CNIH3: variants seen among roughly 807,000 people sequenced by gnomAD.
The protein encoded by CNIH3 is cornichon family AMPA receptor auxiliary protein 3.
Under a neutral mutation model 24.1 loss-of-function variants are expected in CNIH3, and 14 were observed. That is an observed-to-expected ratio of 0.58 (90% confidence interval 0.38 to 0.91). CNIH3 has a LOEUF of 0.91. CNIH3 is among the 40% of genes least tolerant of loss of function. The probability of loss-of-function intolerance (pLI) is 0.00; values close to 1 mark genes in which losing one functional copy is unlikely to be tolerated. For synonymous variants in CNIH3, 68 were observed against 73.8 expected, an observed-to-expected ratio of 0.92 and a Z score of 0.40; for missense variants, 178 against 196.8, an observed-to-expected ratio of 0.90 and a Z score of 0.57.
intron 1 of CNIH3, among the ~76,000 whole-genome samples, chr1:224,665,240 TC>T (rs35734812): frequency 1.3e-5 from 2 of 152,128 alleles, no homozygotes; most frequent in Admixed American, 6.5e-5. Context: ...CGCTGGATAC[TC>T]CCAGGCTTTA....
chr1:224,635,402 A>G (rs1174977772), intron 1 of CNIH3, among the ~76,000 whole-genome samples: 1 of 152,184 alleles, frequency 6.6e-6, no homozygotes, highest in Non-Finnish European at 1.5e-5. Context: ...GTGTGCTGGC[A>G]CCTCTGTTAA....
intron 3 of CNIH3, among the ~76,000 whole-genome samples, chr1:224,686,903 A>G (rs1284831264): frequency 6.6e-6 from 1 of 152,212 alleles, no homozygotes; most frequent in Non-Finnish European, 1.5e-5. Flanking sequence ...TATAAACAAT[A>G]AACTGAGGCA....
At chr1:224,485,467 C>T (rs1280436541) in intron 1 of CNIH3, among the ~76,000 whole-genome samples, 5 of 152,068 alleles carry the variant, frequency 3.3e-5, no homozygotes, top group Non-Finnish European at 7.4e-5. Flanking sequence ...CACCTTCTTT[C>T]CTTCCCCTCA....
intron 3 of CNIH3, among the ~76,000 whole-genome samples, chr1:224,699,910 T>C (rs1212937348): frequency 6.6e-6 from 1 of 152,084 alleles, no homozygotes; most frequent in African/African-American, 2.4e-5. Flanking sequence ...GAAAATGTCT[T>C]ATAAGCTGCA....
intron 1 of CNIH3, among the ~76,000 whole-genome samples, chr1:224,680,518 C>G (rs749866198): frequency 1.6e-4 from 24 of 152,196 alleles, no homozygotes; most frequent in Non-Finnish European, 3.2e-4. Flanking sequence ...CCTTGTTTTT[C>G]TCTTTTCCTT....
chr1:224,574,562 C>T lies in CNIH3; in HGVS notation n.516+8298C>T, dbSNP rs557158323. On this transcript the variant is annotated intron_variant and non_coding_transcript_variant, in intron 4 of 5. Transcript: ENST00000471578. Reference sequence around the variant, plus strand: ...CCATTAATGTTGGGTACTGCCACATCGACTGTGCCCACGTGTACCAGAATG... The same window carrying T: ...CCATTAATGTTGGGTACTGCCACATTGACTGTGCCCACGTGTACCAGAATG... 120 of 764,242 alleles carry T rather than the reference C, an allele frequency of 1.6e-4. 2 individuals carry two copies. The highest frequency in any genetic ancestry group is 9.2e-4 in the African/African-American group (54 of 58,940). The allele number at this position is 764,242 out of a possible 1,614,324, so 47.3% of individuals were successfully genotyped here.
At chr1:224,522,238 A>C (rs1160847540) in intron 2 of CNIH3, among the ~76,000 whole-genome samples, 1 of 152,252 alleles carries the variant, frequency 6.6e-6, no homozygotes, top group Non-Finnish European at 1.5e-5. Flanking sequence ...TCTTTGATAA[A>C]AGAAGTCCTT....
At chr1:224,461,121 G>A (rs569585585) in intron 1 of CNIH3, among the ~76,000 whole-genome samples, 12 of 151,726 alleles carry the variant, frequency 7.9e-5, no homozygotes, top group Admixed American at 4.6e-4. Context: ...TTGTGCGTTG[G>A]CTTCCCGAGT....
chr1:224,711,684 A>C (rs185719845), intron 3 of CNIH3, among the ~76,000 whole-genome samples: 1 of 149,086 alleles, frequency 6.7e-6, no homozygotes, highest in African/African-American at 2.5e-5. Flanking sequence ...AGTCCCACCT[A>C]CTCAGGAGGC....
rs186460825 is a variant in CNIH3 at position 224,598,998 on chromosome 1, A to G, written n.402+32734A>G. Among the ~76,000 whole-genome samples the G allele has an allele frequency of 9.9e-5, 15 of 152,272 alleles. No individual in the cohort carries two copies. The East Asian group carries it at 2.9e-3, about 29-fold the overall frequency. ...GAATAAAGAACTTTTGCAGTTATCT[A>G]TTGCTGCATAATATTTATTATTAAC... On this transcript the variant is annotated intron_variant and non_coding_transcript_variant, in intron 3 of 7. Coordinates refer to the CNIH3 transcript ENST00000478120.
At chr1:224,618,347 A>T (rs746534179) in intron 1 of CNIH3, among the ~76,000 whole-genome samples, 2 of 152,216 alleles carry the variant, frequency 1.3e-5, no homozygotes, top group Non-Finnish European at 1.5e-5. Context: ...CGTCTAGGTG[A>T]CAGAGAAGGA....
At chr1:224,699,615 C>T (rs1687373334) in intron 3 of CNIH3, among the ~76,000 whole-genome samples, 1 of 152,192 alleles carries the variant, frequency 6.6e-6, no homozygotes, top group Admixed American at 6.5e-5. Context: ...GGACACTAGT[C>T]ATACCAGGTT....
chr1:224,540,465 G>T (rs1348918863), downstream of CNIH3, among the ~76,000 whole-genome samples: 2 of 152,152 alleles, frequency 1.3e-5, no homozygotes, highest in Admixed American at 6.6e-5. Context: ...CAAGTTAAAA[G>T]TTTCATTCAT....
chr1:224,540,449 T>G (rs1038613163), downstream of CNIH3, among the ~76,000 whole-genome samples: 1 of 152,208 alleles, frequency 6.6e-6, no homozygotes, highest in Non-Finnish European at 1.5e-5. Context: ...CTCTCCAATA[T>G]GTCAACAAGT....
At chr1:224,657,891 G>C (rs1450290306) in intron 1 of CNIH3, among the ~76,000 whole-genome samples, 1 of 152,044 alleles carries the variant, frequency 6.6e-6, no homozygotes, top group Non-Finnish European at 1.5e-5. Flanking sequence ...AAGGAAGATT[G>C]GTTATTTCTG....
intron 1 of CNIH3, among the ~76,000 whole-genome samples, chr1:224,517,290 G>C (rs1225523407): frequency 6.6e-6 from 1 of 151,992 alleles, no homozygotes; most frequent in Non-Finnish European, 1.5e-5. Context: ...CCAGCTGGGA[G>C]CCTATTTAAC....
At chr1:224,730,762 T>A (rs1689286687) in intron 4 of CNIH3, 188 bp downstream of exon 4, 1 of 539,352 alleles carries the variant, frequency 1.9e-6, no homozygotes, top group African/African-American at 1.9e-5. Context: ...AAGGCCCTTT[T>A]TGTTGGTTTC....
intron 1 of CNIH3, among the ~76,000 whole-genome samples, chr1:224,639,272 T>C (rs1333839036): frequency 1.3e-5 from 2 of 152,242 alleles, no homozygotes; most frequent in Non-Finnish European, 2.9e-5. Flanking sequence ...TACCTGATGA[T>C]GATGTGATTC....
intron 3 of CNIH3, among the ~76,000 whole-genome samples, chr1:224,560,344 G>T (rs999496591): frequency 6.6e-6 from 1 of 152,148 alleles, no homozygotes; most frequent in African/African-American, 2.4e-5. Flanking sequence ...CTCTTCAGTA[G>T]CACATAGGAA....
Sources: gnomAD v4.1 joint callset for allele counts (sites outside exome capture counted in the v4.1 genomes callset) on GRCh38, gnomAD v4.1.1 for gene constraint, MANE v1.5 for transcripts, NCBI Gene and HGNC (gene_info 2026-07-23, HGNC 2026-07-21) for gene names.